ZMYND10: variants seen among roughly 807,000 people sequenced by gnomAD.
ZMYND10 encodes zinc finger MYND-type containing 10, also known as zinc finger MYND domain-containing protein 10.
In ZMYND10, 52 loss-of-function variants were observed where a neutral mutation model predicts 62.6. The ratio of observed to expected loss-of-function variants is 0.83; its 90% CI spans 0.67 to 1.05. The LOEUF (loss-of-function observed/expected upper bound fraction) is 1.05, where lower values mean the gene tolerates loss of function less well. ZMYND10 is among the 50% of genes least tolerant of loss of function. The pLI, the probability that ZMYND10 is intolerant of heterozygous loss-of-function variation, is 0.00. For synonymous variants in ZMYND10, 197 were observed against 218.5 expected (o/e 0.90, Z 0.87); for missense variants, 438 against 543.3 (o/e 0.81, Z 1.93).
In ZMYND10 at chr3:50,343,454, G is replaced by A. The variant is rs755057563; in HGVS notation, c.373-10C>T. ...CTGACTCACACACCTCCTGGGAAAA[G>A]GAGGAGGGAAACTTTCTGTGTCTGA... On this transcript the variant is annotated splice_polypyrimidine_tract_variant and intron_variant, in intron 4 of 11. Transcript: ENST00000231749. 11 of 1,612,122 alleles carry A rather than the reference G, an allele frequency of 6.8e-6. No homozygotes were observed. The highest frequency in any genetic ancestry group is 1.1e-5 in the South Asian group (1 of 91,056).
intron 11 of ZMYND10, 29 bp downstream of exon 11, chr3:50,341,545 A>T: frequency 6.2e-7 from 1 of 1,614,238 alleles, no homozygotes; most frequent in Non-Finnish European, 8.5e-7. Context: ...AGTAGGGCTT[A>T]GAGGTCCAAG....
chr3:50,343,223 T>C lies in ZMYND10; in HGVS notation c.511-17A>G. 1 of 1,614,122 alleles carries C rather than the reference T, an allele frequency of 6.2e-7. No individual in the cohort carries two copies. The highest frequency in any genetic ancestry group is 8.5e-7 in the Non-Finnish European group (1 of 1,180,000). On this transcript the variant is annotated splice_polypyrimidine_tract_variant and intron_variant, in intron 5 of 11. Transcript: ENST00000231749. ...CTGCAGCTCCTGGGAGGTCACACAG[T>C]GTTCACGCTGGGCCACCCTCACCTG... is the stretch of plus-strand genomic sequence containing the variant.
intron 8 of ZMYND10, 59 bp downstream of exon 8, chr3:50,342,338 G>T: frequency 6.4e-7 from 1 of 1,553,820 alleles, no homozygotes; most frequent in Non-Finnish European, 8.7e-7. Flanking sequence ...GGACGCAGTC[G>T]GGGTAGGATG....
Position 50,341,253 on chromosome 3 carries a change from G to T in ZMYND10, c.*157C>A. Reference sequence around the variant, plus strand: ...AGTCTCGAGCCTTCACTTGGGGTGAGGAGGAGGGAGATCGGTCAGCAGCTT... The same window carrying T: ...AGTCTCGAGCCTTCACTTGGGGTGATGAGGAGGGAGATCGGTCAGCAGCTT... On this transcript the variant is annotated 3_prime_UTR_variant, in exon 12 of 12. Transcript: ENST00000231749. The T allele has an allele frequency of 1.1e-6, 1 of 885,704 alleles. No homozygotes were observed. The highest frequency in any genetic ancestry group is 1.7e-6 in the Non-Finnish European group (1 of 578,030). The allele number at this position is 885,704 out of a possible 1,614,324, so 54.9% of individuals were successfully genotyped here. A position where few individuals can be genotyped will look rare whatever the true frequency, so the allele number is the denominator to read the frequency against.
At chr3:50,342,263 C>T in intron 8 of ZMYND10, 123 bp from the exon 9 acceptor site, 1 of 1,573,860 alleles carries the variant, frequency 6.4e-7, no homozygotes, top group Non-Finnish European at 8.6e-7. Context: ...GCTGGTGTGT[C>T]ACCTGAGGCC....
rs1703370093 is a variant in ZMYND10, at chr3:50,341,458, C to A, written c.1275G>T (p.Lys425Asn). ...CRECQVKHWE[K>N]HGKTCVLAAQ... is the part of the protein sequence containing the mutation. ...CTGCCAGGACACAAGTCTTTCCATG[C>A]TTTTCCCAGTGCTTGACTTGGCACT... The change falls in exon 12 of 12, where the codon AAG becomes AAT. Residue 425 changes from lysine to asparagine, a missense_variant. Coordinates refer to ENST00000231749, the MANE Select transcript of ZMYND10 (RefSeq NM_015896.4). 1 of 1,614,100 alleles carries A rather than the reference C, an allele frequency of 6.2e-7. No individual in the cohort carries two copies. Among genetic ancestry groups the A allele is most frequent in the African/African-American group, 1.3e-5 (1 of 74,938 alleles).
Position 50,341,737 on chromosome 3 carries a change from G to A in ZMYND10, c.1122-38C>T, listed in dbSNP as rs745881867. Reference sequence around the variant, plus strand: ...CAGGAAGGTCTGACTGGCCCTGGAAGGTGGGGGCACCCCACCCACATCCAT... The same window carrying A: ...CAGGAAGGTCTGACTGGCCCTGGAAAGTGGGGGCACCCCACCCACATCCAT... On this transcript the variant is annotated intron_variant, in intron 10 of 11. Coordinates refer to ENST00000231749, the MANE Select transcript of ZMYND10 (RefSeq NM_015896.4). 5 of 1,612,500 alleles carry A rather than the reference G, an allele frequency of 3.1e-6. No homozygotes were observed. The East Asian group carries it at 8.9e-5, about 29-fold the overall frequency.
rs770548746 is a variant in ZMYND10 at position 50,343,560 on chromosome 3, C to T, written c.372+3G>A. 1.9e-6 allele frequency: 3 copies of T among 1,614,200 alleles called. No individual in the cohort carries two copies. The South Asian group carries it at 3.3e-5, about 18-fold the overall frequency. On this transcript the variant is annotated splice_donor_region_variant and intron_variant, in intron 4 of 11. Coordinates refer to ENST00000231749, the MANE Select transcript of ZMYND10 (RefSeq NM_015896.4). ...TGGCCCATGGGCAGAGATAGTCCCT[C>T]ACCTTGTGGAAGAACACTGTCTCCA...
Position 50,341,312 on chromosome 3 carries a change from G to GGGCTCCGGCA in ZMYND10, c.*88_*97dup. ...GCTCTGCTCTCCACTGCGGAGACTG[G>GGGCTCCGGCA]GGCTCCGGCAGAGGCTGGACCGTGA... On this transcript the variant is annotated 3_prime_UTR_variant, in exon 12 of 12. Transcript: ENST00000231749. The GGGCTCCGGCA allele has an allele frequency of 6.9e-7, 1 of 1,446,530 alleles. No homozygotes were observed. 89.6% of individuals were successfully genotyped at this position (1,446,530 alleles called of 1,614,324 possible). A position where few individuals can be genotyped will look rare whatever the true frequency, so the allele number is the denominator to read the frequency against.
In ZMYND10 at chr3:50,341,256, G is replaced by A. The variant is rs1703360770; in HGVS notation, c.*154C>T. The A allele has an allele frequency of 2.2e-6, 2 of 906,644 alleles. No individual in the cohort carries two copies. The highest frequency in any genetic ancestry group is 2.3e-5 in the Admixed American group (1 of 44,320). 56.2% of individuals were successfully genotyped at this position (906,644 alleles called of 1,614,324 possible). A position where few individuals can be genotyped will look rare whatever the true frequency, so the allele number is the denominator to read the frequency against. ...CTCGAGCCTTCACTTGGGGTGAGGA[G>A]GAGGGAGATCGGTCAGCAGCTTTAC... is the stretch of plus-strand genomic sequence containing the variant. On this transcript the variant is annotated 3_prime_UTR_variant, in exon 12 of 12. Coordinates refer to ENST00000231749, the MANE Select transcript of ZMYND10 (RefSeq NM_015896.4).
At chr3:50,344,988 G>A in intron 2 of ZMYND10, 136 bp downstream of exon 2, 1 of 716,818 alleles carries the variant, frequency 1.4e-6, no homozygotes, top group Non-Finnish European at 2.4e-6. Flanking sequence ...AATGAAACAT[G>A]TAACACATTC....
intron 5 of ZMYND10, 42 bp downstream of exon 5, chr3:50,343,265 C>G: frequency 6.2e-7 from 1 of 1,613,646 alleles, no homozygotes; most frequent in African/African-American, 1.3e-5. Context: ...CCTTGGGGAA[C>G]CCAGACCTAG....
rs767713937 is a variant in ZMYND10, at chr3:50,342,407, C to G, written c.863G>C (p.Arg288Pro). The G allele has an allele frequency of 1.3e-6, 2 of 1,580,622 alleles. No homozygotes were observed. Among genetic ancestry groups the G allele is most frequent in the Non-Finnish European group, 8.6e-7 (1 of 1,162,330 alleles). Residue 288 changes from arginine to proline, a missense_variant, in exon 8 of 12, where the codon CGG (arginine) becomes CCG (proline). Transcript: ENST00000231749. ...RYCLTSFAKG[R>P]LLKLRAFLTD... ...CGGAGGGAGTCTGACCTTGAGTAGC[C>G]GTCCCTTGGCAAAACTTGTGAGGCA...
At chr3:50,342,331 C>G in intron 8 of ZMYND10, 66 bp downstream of exon 8, 1 of 1,553,684 alleles carries the variant, frequency 6.4e-7, no homozygotes, top group Non-Finnish European at 8.7e-7. Context: ...ACAGCAGGGA[C>G]GCAGTCGGGG....
chr3:50,343,527 C>G, intron 4 of ZMYND10, 36 bp downstream of exon 4: 1 of 1,614,178 alleles, frequency 6.2e-7, no homozygotes, highest in Non-Finnish European at 8.5e-7. Flanking sequence ...GGCCCTGACC[C>G]GGAACTGTGG....
At position 50,345,480 on chromosome 3, in the gene ZMYND10, T is replaced by G. The variant is rs1416767465; in HGVS notation, c.92+8A>C. On this transcript the variant is annotated splice_region_variant and intron_variant, in intron 1 of 11. Coordinates refer to ENST00000231749, the MANE Select transcript of ZMYND10 (RefSeq NM_015896.4). This position sits in a 1 kb window ranked among gnomAD's most constrained non-coding sequence, Gnocchi z 5.0. Reference sequence around the variant, plus strand: ...ACTCCGGGACTCCGCCTGACCCGGGTGCCTCACCCTTCGGAGCCCATCTCG... The same window carrying G: ...ACTCCGGGACTCCGCCTGACCCGGGGGCCTCACCCTTCGGAGCCCATCTCG... 6.3e-7 allele frequency: 1 copy of G among 1,592,782 alleles called. No homozygotes were observed. Among genetic ancestry groups the G allele is most frequent in the Non-Finnish European group, 8.5e-7 (1 of 1,169,932 alleles).
chr3:50,341,315 C>T lies in ZMYND10; in HGVS notation c.*95G>A. The T allele has an allele frequency of 6.8e-7, 1 of 1,471,246 alleles. No individual in the cohort carries two copies. Among genetic ancestry groups the T allele is most frequent in the Non-Finnish European group, 9.3e-7 (1 of 1,069,790 alleles). The allele number at this position is 1,471,246 out of a possible 1,614,324, so 91.1% of individuals were successfully genotyped here. On this transcript the variant is annotated 3_prime_UTR_variant, in exon 12 of 12. Transcript: ENST00000231749. ...CTGCTCTCCACTGCGGAGACTGGGG[C>T]TCCGGCAGAGGCTGGACCGTGATCT... is the stretch of plus-strand genomic sequence containing the variant.
Position 50,345,310 on chromosome 3 carries a change from C to A in ZMYND10, c.93-78G>T. The A allele has an allele frequency of 1.3e-6, 2 of 1,538,162 alleles. No homozygotes were observed. Among genetic ancestry groups the A allele is most frequent in the Non-Finnish European group, 1.8e-6 (2 of 1,128,890 alleles). On this transcript the variant is annotated intron_variant, in intron 1 of 11. Transcript: ENST00000231749. The surrounding 1 kb of genome is among the most constrained non-coding windows in gnomAD (Gnocchi z 5.0). ...GATGGGGGCTGGATCCTACTGAAGC[C>A]TAACCTGATCCTGAGGGGACACAGG...
chr3:50,345,527 C>A lies in ZMYND10; in HGVS notation c.53G>T (p.Gly18Val), dbSNP rs1703518565. 1.2e-6 allele frequency: 2 copies of A among 1,609,826 alleles called. No individual in the cohort carries two copies. The highest frequency in any genetic ancestry group is 1.7e-6 in the Non-Finnish European group (2 of 1,178,630). ...LPGEAEVLVR[G>V]LRSFPLREMG... ...CTCGCGTAGCGGGAAGCTGCGCAGA[C>A]CCCGCACCAGCACTTCAGCTTCCCC... Residue 18 changes from glycine to valine, a missense_variant, in exon 1 of 12, where the codon GGT (glycine) becomes GTT (valine). Transcript: ENST00000231749. The surrounding 1 kb of genome is among the most constrained non-coding windows in gnomAD (Gnocchi z 5.0).
Sources: gnomAD v4.1 joint callset for allele counts on GRCh38, gnomAD v4.1.1 for gene constraint, Gnocchi (gnomAD v3.1) non-coding constraint, MANE v1.5 for transcripts, NCBI Gene and HGNC (gene_info 2026-07-23, HGNC 2026-07-21) for gene names.